Variants in SOX6 observed in about 807,000 individuals in gnomAD.
SOX6 encodes transcription factor SOX-6.
A neutral mutation model predicts 97.8 loss-of-function variants in SOX6; 11 were observed. The ratio of observed to expected loss-of-function variants is 0.11; its 90% CI spans 0.07 to 0.19. SOX6 has a LOEUF of 0.19. Ranked by LOEUF, SOX6 falls within the 10% of genes least tolerant of loss-of-function variation. The pLI, the probability that SOX6 is intolerant of heterozygous loss-of-function variation, is 1.00. For synonymous variants in SOX6, 360 were observed against 371.4 expected, an observed-to-expected ratio of 0.97 and a Z score of 0.35; for missense variants, 810 against 1,039.5, an observed-to-expected ratio of 0.78 and a Z score of 3.04.
chr11:16,611,909 CT>C (rs1848403052), intron 4 of SOX6, among the ~76,000 whole-genome samples: 1 of 152,160 alleles, frequency 6.6e-6, no homozygotes, highest in Admixed American at 6.5e-5. Flanking sequence ...AATGCATGAA[CT>C]TTTTTCCAAA....
chr11:16,206,724 G>A (rs894748742), intron 4 of SOX6, among the ~76,000 whole-genome samples: 1 of 152,116 alleles, frequency 6.6e-6, no homozygotes, highest in African/African-American at 2.4e-5. Context: ...CTATTTTAGA[G>A]TCTTAAGAAT....
chr11:16,030,473 T>C (rs1855339232), intron 12 of SOX6, among the ~76,000 whole-genome samples: 1 of 152,216 alleles, frequency 6.6e-6, no homozygotes, highest in South Asian at 2.1e-4. Flanking sequence ...TTTAGTATGG[T>C]TTCTACTTGA....
In SOX6 at chr11:16,610,075, C is replaced by T. The variant is rs1299760271; in HGVS notation, n.609+2006G>A. Among the ~76,000 whole-genome samples, 1 of 152,176 alleles carries T rather than the reference C, an allele frequency of 6.6e-6. No individual in the cohort carries two copies. The highest frequency in any genetic ancestry group is 2.4e-5 in the African/African-American group (1 of 41,452). On this transcript the variant is annotated intron_variant and non_coding_transcript_variant, in intron 4 of 5. Coordinates refer to the SOX6 transcript ENST00000524520. The surrounding 1 kb of genome is among the most constrained non-coding windows in gnomAD (Gnocchi z 4.4). ...GCAAGCTCAGACTGGTGTTTCTAGC[C>T]CAGACAGGAGTCAGATCTCCCCTGT...
chr11:16,105,412 C>G (rs992281862), intron 7 of SOX6, among the ~76,000 whole-genome samples: 14 of 151,988 alleles, frequency 9.2e-5, no homozygotes, highest in Admixed American at 7.2e-4. Flanking sequence ...TTATAAAAAG[C>G]CTACAGCTGG....
intron 1 of SOX6, among the ~76,000 whole-genome samples, chr11:16,343,888 G>T (rs1856708315): frequency 6.6e-6 from 1 of 151,688 alleles, no homozygotes; most frequent in Non-Finnish European, 1.5e-5. Context: ...GTGTATCAAG[G>T]TTGCAAATAA....
At chr11:16,595,766 G>A (rs539946436) in intron 4 of SOX6, among the ~76,000 whole-genome samples, 3 of 152,066 alleles carry the variant, frequency 2.0e-5, no homozygotes, top group African/African-American at 7.2e-5. Context: ...GCAAGACCCC[G>A]TCTCTTAAAA....
chr11:16,525,708 G>T (rs1861147887), intron 4 of SOX6, among the ~76,000 whole-genome samples: 1 of 151,648 alleles, frequency 6.6e-6, no homozygotes, highest in Non-Finnish European at 1.5e-5. Flanking sequence ...CTACAAAATG[G>T]GAGAAAATTT....
chr11:16,245,980 G>C (rs1430409664), intron 3 of SOX6, among the ~76,000 whole-genome samples: 1 of 150,906 alleles, frequency 6.6e-6, no homozygotes, highest in Non-Finnish European at 1.5e-5. Context: ...TTTGTCCTTT[G>C]TTCCTTTGTT....
chr11:16,680,931 C>G (rs1299076622), intron 3 of SOX6, among the ~76,000 whole-genome samples: 2 of 152,154 alleles, frequency 1.3e-5, no homozygotes, highest in Non-Finnish European at 2.9e-5. Context: ...TATATGCACC[C>G]AAACAGGAGC....
chr11:16,331,144 G>T (rs1856281112), intron 2 of SOX6, among the ~76,000 whole-genome samples: 1 of 152,072 alleles, frequency 6.6e-6, no homozygotes, highest in Non-Finnish European at 1.5e-5. Context: ...CTCCTCTGCA[G>T]TTGTTTTCTT....
chr11:16,638,768 T>C (rs1163379778), intron 3 of SOX6, among the ~76,000 whole-genome samples: 3 of 152,124 alleles, frequency 2.0e-5, no homozygotes, highest in South Asian at 4.1e-4. Context: ...ATGAGGTTGT[T>C]TGTTTTTTTC....
chr11:16,727,509 A>G (rs936704261), intron 2 of SOX6, among the ~76,000 whole-genome samples: 1 of 151,812 alleles, frequency 6.6e-6, no homozygotes, highest in African/African-American at 2.4e-5. Context: ...AGCTCACAGA[A>G]CACTTGACCT....
chr11:16,282,523 A>G (rs1590089389), intron 3 of SOX6, among the ~76,000 whole-genome samples: 1 of 151,666 alleles, frequency 6.6e-6, no homozygotes, highest in Admixed American at 6.6e-5. Flanking sequence ...TTGGCCAGCT[A>G]TAACTGTTTC....
intron 9 of SOX6, among the ~76,000 whole-genome samples, chr11:16,080,267 A>C (rs2133953974): frequency 6.6e-6 from 1 of 151,344 alleles, no homozygotes; most frequent in African/African-American, 2.4e-5. Context: ...CTAAAAAAAA[A>C]AAAAAAAAAG....
intron 1 of SOX6, among the ~76,000 whole-genome samples, chr11:16,404,796 A>G (rs144571893): frequency 6.6e-6 from 1 of 151,994 alleles, no homozygotes; most frequent in African/African-American, 2.4e-5. Context: ...TTAAATCTGT[A>G]AGAATGAAAT....
At chr11:16,594,881 C>A (rs1489325621) in intron 4 of SOX6, among the ~76,000 whole-genome samples, 1 of 151,724 alleles carries the variant, frequency 6.6e-6, no homozygotes, top group African/African-American at 2.4e-5. Context: ...TTAGTAGAGA[C>A]GGGGTTTCAC....
intron 6 of SOX6, among the ~76,000 whole-genome samples, chr11:16,166,063 A>T (rs35063518): frequency 0.096 from 14,621 of 152,202 alleles, 1,068 homozygotes; most frequent in Admixed American, 0.22. Flanking sequence ...GATAGAAATG[A>T]AGGACAATGA....
intron 10 of SOX6, among the ~76,000 whole-genome samples, chr11:16,054,447 G>T (rs969702320): frequency 1.3e-5 from 2 of 152,018 alleles, no homozygotes; most frequent in Non-Finnish European, 2.9e-5. Flanking sequence ...GAACATAAAT[G>T]TTCTCCTATT....
chr11:16,683,720 C>A (rs1158022904), intron 3 of SOX6, among the ~76,000 whole-genome samples: 3 of 152,042 alleles, frequency 2.0e-5, no homozygotes, highest in East Asian at 3.9e-4. Context: ...GCAACAAAAG[C>A]CAAAATTGAC....
Sources: gnomAD v4.1 joint callset for allele counts (sites outside exome capture counted in the v4.1 genomes callset) on GRCh38, gnomAD v4.1.1 for gene constraint, Gnocchi (gnomAD v3.1) non-coding constraint, MANE v1.5 for transcripts, NCBI Gene and HGNC (gene_info 2026-07-23, HGNC 2026-07-21) for gene names.